The following ITFG1 variants were observed in gnomAD, a reference collection of about 807,000 sequenced individuals.
ITFG1 encodes the protein T-cell immunomodulatory protein.
ITFG1 carries 34 observed loss-of-function variants against 81.8 expected under a neutral mutation model. The ratio of observed to expected loss-of-function variants is 0.42; its 90% confidence interval spans 0.32 to 0.55. ITFG1 has a LOEUF of 0.55. ITFG1 is among the 20% of genes least tolerant of loss of function. The pLI is 0.17. For synonymous variants in ITFG1, 285 were observed against 270.6 expected (o/e 1.05, Z -0.52); for missense variants, 672 against 755.4 (o/e 0.89, Z 1.29).
In ITFG1 at chr16:47,295,128, ACT is replaced by A. The variant is rs373483571; in HGVS notation, c.1070+16110_1070+16111del. 1.7e-4 allele frequency among the ~76,000 whole-genome samples: 26 copies of A among 152,268 alleles called. 1 individual carries two copies. In the East Asian group the frequency reaches 5.0e-3, roughly 29 times the overall value. ...CTGAGATGATCATACAGTTTTTAACACTGTTTATGTGGTGAATCACATTTATT... is the reference window on the plus strand; with the variant it reads ...CTGAGATGATCATACAGTTTTTAACAGTTTATGTGGTGAATCACATTTATT... On this transcript the variant is annotated intron_variant, in intron 10 of 17. Transcript: ENST00000320640.
intron 5 of ITFG1, among the ~76,000 whole-genome samples, chr16:47,443,254 G>A (rs544761382): frequency 1.3e-5 from 2 of 152,310 alleles, no homozygotes; most frequent in South Asian, 4.1e-4. Flanking sequence ...AACAACAGGT[G>A]CTGGAGAGGA....
chr16:47,233,051 G>A (rs1253169469), intron 13 of ITFG1, among the ~76,000 whole-genome samples: 1 of 152,074 alleles, frequency 6.6e-6, no homozygotes, highest in Non-Finnish European at 1.5e-5. Flanking sequence ...ACTGATAAAA[G>A]CCATGAAGTA....
chr16:47,430,811 T>G (rs1665995402), intron 5 of ITFG1, among the ~76,000 whole-genome samples: 1 of 152,212 alleles, frequency 6.6e-6, no homozygotes, highest in Admixed American at 6.5e-5. Flanking sequence ...CCTGCATTTC[T>G]ACGCTTAGCT....
intron 13 of ITFG1, among the ~76,000 whole-genome samples, chr16:47,232,349 T>C (rs1567430604): frequency 6.6e-6 from 1 of 152,348 alleles, no homozygotes; most frequent in Admixed American, 6.5e-5. Flanking sequence ...TTGCATTTTA[T>C]GGATTATTTT....
intron 5 of ITFG1, among the ~76,000 whole-genome samples, chr16:47,439,919 G>A (rs1039765629): frequency 2.6e-5 from 4 of 152,202 alleles, no homozygotes; most frequent in Non-Finnish European, 5.9e-5. Context: ...AGACCCATCA[G>A]TTTGCTGTAT....
intron 6 of ITFG1, among the ~76,000 whole-genome samples, chr16:47,387,522 C>A (rs148693757): frequency 6.6e-6 from 1 of 152,252 alleles, no homozygotes; most frequent in Non-Finnish European, 1.5e-5. Flanking sequence ...GTTCATGCCC[C>A]TCAAGCCCTA....
At position 47,181,232 on chromosome 16, in the gene ITFG1, C is replaced by T. The variant is rs548400167; in HGVS notation, c.1454-18568G>A. ...GAGACCCTCTGCCCGGCAGCCGCCC[C>T]GTCTGAGAAGTGAGGAGCCCCTCCG... On this transcript the variant is annotated intron_variant, in intron 14 of 17. Coordinates refer to ENST00000320640, the MANE Select transcript of ITFG1 (RefSeq NM_030790.5). Among the ~76,000 whole-genome samples, 599 of 150,636 alleles carry T rather than the reference C, an allele frequency of 4.0e-3. 3 individuals are homozygous for T. The highest frequency in any genetic ancestry group is 0.013 in the African/African-American group (519 of 40,942).
At chr16:47,302,221 G>A (rs190109084) in intron 10 of ITFG1, among the ~76,000 whole-genome samples, 227 of 152,142 alleles carry the variant, frequency 1.5e-3, no homozygotes, top group Non-Finnish European at 2.4e-3. Context: ...TTAACGGAAG[G>A]GTTACCAGTC....
chr16:47,295,486 A>G (rs1966969120), intron 10 of ITFG1, among the ~76,000 whole-genome samples: 1 of 152,028 alleles, frequency 6.6e-6, no homozygotes, highest in African/African-American at 2.4e-5. Context: ...TACTGATTTA[A>G]TCTCACCACT....
intron 5 of ITFG1, among the ~76,000 whole-genome samples, chr16:47,450,918 T>G (rs1163922500): frequency 6.6e-6 from 1 of 152,216 alleles, no homozygotes; most frequent in Non-Finnish European, 1.5e-5. Context: ...GCACACATAC[T>G]GGTGAAGGAC....
At position 47,452,222 on chromosome 16, in the gene ITFG1, G is replaced by C. The variant is rs1283694076; in HGVS notation, c.485+511C>G. Among the ~76,000 whole-genome samples the C allele has an allele frequency of 3.9e-5, 6 of 152,176 alleles. No homozygotes were observed. In the East Asian group the frequency reaches 1.2e-3, roughly 29 times the overall value. On this transcript the variant is annotated intron_variant, in intron 4 of 17. Transcript: ENST00000320640. ...GTGGCCAAACTTTGCTCTAGTCCCGGGAATGATCTCGACCTCTACCAAAAT... is the reference window on the plus strand; with the variant it reads ...GTGGCCAAACTTTGCTCTAGTCCCGCGAATGATCTCGACCTCTACCAAAAT...
intron 6 of ITFG1, among the ~76,000 whole-genome samples, chr16:47,381,560 TATC>T (rs1443720167): frequency 6.6e-6 from 1 of 152,182 alleles, no homozygotes; most frequent in African/African-American, 2.4e-5. Context: ...CTCAAAGCAG[TATC>T]ATAACTTATA....
At chr16:47,367,275 G>T (rs1968189358) in intron 7 of ITFG1, among the ~76,000 whole-genome samples, 1 of 152,196 alleles carries the variant, frequency 6.6e-6, no homozygotes, top group African/African-American at 2.4e-5. Context: ...TCAGAACCTA[G>T]TTCTTTTAGG....
At chr16:47,324,698 A>G (rs1460056253) in intron 8 of ITFG1, among the ~76,000 whole-genome samples, 1 of 152,186 alleles carries the variant, frequency 6.6e-6, no homozygotes, top group African/African-American at 2.4e-5. Flanking sequence ...TCTCGGATAA[A>G]ACAGACTTTA....
chr16:47,205,364 CA>C (rs1965479340), intron 14 of ITFG1, among the ~76,000 whole-genome samples: 2 of 152,132 alleles, frequency 1.3e-5, no homozygotes, highest in Non-Finnish European at 2.9e-5. Context: ...TCCCATGAGT[CA>C]AAATCACCCG....
chr16:47,314,873 G>A (rs1320169900), intron 8 of ITFG1, among the ~76,000 whole-genome samples: 1 of 151,916 alleles, frequency 6.6e-6, no homozygotes, highest in Non-Finnish European at 1.5e-5. Flanking sequence ...ATGCTTCATT[G>A]TATATTTAGT....
At chr16:47,193,215 A>T (rs1034668016) in intron 14 of ITFG1, among the ~76,000 whole-genome samples, 7 of 150,234 alleles carry the variant, frequency 4.7e-5, no homozygotes, top group African/African-American at 1.2e-4. Flanking sequence ...TAATTTTATT[A>T]AAAAAATTTT....
intron 14 of ITFG1, among the ~76,000 whole-genome samples, chr16:47,188,460 G>T (rs1379452476): frequency 1.3e-5 from 2 of 151,042 alleles, no homozygotes; most frequent in South Asian, 2.1e-4. Context: ...CATGTCCTTT[G>T]TAGGGACATG....
intron 14 of ITFG1, among the ~76,000 whole-genome samples, chr16:47,194,269 T>C (rs1421473545): frequency 2.6e-5 from 4 of 152,234 alleles, no homozygotes; most frequent in African/African-American, 9.6e-5. Flanking sequence ...TATTGCTTTG[T>C]AATGACTATT....
Sources: allele counts gnomAD v4.1 joint callset (sites outside exome capture counted in the v4.1 genomes callset), GRCh38; gene constraint gnomAD v4.1.1; transcripts MANE v1.5; gene names NCBI Gene and HGNC (gene_info 2026-07-23, HGNC 2026-07-21).